FAT3: variants seen among roughly 807,000 people sequenced by gnomAD.
The protein encoded by FAT3 is FAT atypical cadherin 3.
Under a neutral mutation model 310.2 loss-of-function variants are expected in FAT3, and 95 were observed. That is an observed-to-expected ratio of 0.31 (90% CI 0.26 to 0.36). FAT3 has a LOEUF of 0.36. Among genes scored for constraint, FAT3 ranks in the 10% least tolerant of loss-of-function variants. The pLI, the probability that FAT3 is intolerant of heterozygous loss-of-function variation, is 1.00. For missense variants in FAT3, 5,408 were observed against 5,715.6 expected, an observed-to-expected ratio of 0.95 and a Z score of 1.74; for synonymous variants, 2,314 against 2,192.9, an observed-to-expected ratio of 1.06 and a Z score of -1.54.
chr11:92,657,087 G>A (rs181216260), intron 3 of FAT3, among the ~76,000 whole-genome samples: 95 of 152,106 alleles, frequency 6.2e-4, no homozygotes, highest in Admixed American at 3.1e-3. Context: ...TTGAAGCAGG[G>A]GTTTATATTT....
At chr11:92,324,067 A>T (rs1565226585) in intron 1 of FAT3, among the ~76,000 whole-genome samples, 1 of 152,186 alleles carries the variant, frequency 6.6e-6, no homozygotes, top group African/African-American at 2.4e-5. Flanking sequence ...AATTGAAGAA[A>T]GTTAGGGCCT....
At chr11:92,550,832 T>C (rs373038211) in intron 3 of FAT3, among the ~76,000 whole-genome samples, 1 of 151,794 alleles carries the variant, frequency 6.6e-6, no homozygotes, top group East Asian at 1.9e-4. Flanking sequence ...ATAGGCTTCA[T>C]GCTAAAATGT....
chr11:92,367,741 T>A (rs1483332975), intron 2 of FAT3, among the ~76,000 whole-genome samples: 2 of 152,380 alleles, frequency 1.3e-5, no homozygotes, highest in South Asian at 4.1e-4. Flanking sequence ...TCATTCATCA[T>A]GTTCCCTGTG....
chr11:92,735,247 G>C (rs1392984776), intron 4 of FAT3, among the ~76,000 whole-genome samples: 3 of 152,056 alleles, frequency 2.0e-5, no homozygotes, highest in Non-Finnish European at 4.4e-5. Flanking sequence ...GGTCACTAGG[G>C]GGCTAATCAT....
intron 12 of FAT3, among the ~76,000 whole-genome samples, chr11:92,807,017 C>T (rs1319116458): frequency 6.6e-6 from 1 of 152,068 alleles, no homozygotes; most frequent in Non-Finnish European, 1.5e-5. Flanking sequence ...AGGAGCTTCC[C>T]TCAGAAGAAG....
intron 2 of FAT3, among the ~76,000 whole-genome samples, chr11:92,444,710 A>G (rs931219862): frequency 6.6e-6 from 1 of 151,566 alleles, no homozygotes; most frequent in Non-Finnish European, 1.5e-5. Flanking sequence ...AAGCACACTA[A>G]TTTTTAGGAC....
intron 1 of FAT3, among the ~76,000 whole-genome samples, chr11:92,232,103 TGCTAGGGTGGATTTTGCA>T (rs1864208920): frequency 6.6e-6 from 1 of 152,182 alleles, no homozygotes; most frequent in Non-Finnish European, 1.5e-5. Context: ...TACCGTCCCA[TGCTAGGGTGGATTTTGCA>T]GCTAGGGTTT....
intron 3 of FAT3, among the ~76,000 whole-genome samples, chr11:92,573,429 T>C (rs537524090): frequency 2.2e-4 from 33 of 152,252 alleles, no homozygotes; most frequent in African/African-American, 7.5e-4. Flanking sequence ...AACACAGTCA[T>C]TACCGGTTGT....
intron 4 of FAT3, among the ~76,000 whole-genome samples, chr11:92,710,667 T>C (rs527480738): frequency 3.9e-4 from 60 of 152,348 alleles, no homozygotes; most frequent in African/African-American, 1.4e-3. Context: ...GCATGCTTGC[T>C]TCATCTCTGA....
In FAT3 at chr11:92,894,503, A is replaced by C. The variant is rs533833097; in HGVS notation, c.*3390A>C. 22 of 152,344 alleles carry C rather than the reference A, an allele frequency of 1.4e-4. No homozygotes were observed. The highest frequency in any genetic ancestry group is 5.3e-4 in the African/African-American group (22 of 41,574). The allele number at this position is 152,344 out of a possible 1,614,324, so 9.4% of individuals were successfully genotyped here. ...GAACATGTATGTGCCACCTCCTGGA[A>C]GCCATTTCCCATAATCTGTTGTAGG... On this transcript the variant is annotated 3_prime_UTR_variant, in exon 28 of 28. Coordinates refer to ENST00000525166, the MANE Select transcript of FAT3 (RefSeq NM_001367949.2).
chr11:92,345,505 G>C (rs748008540), intron 1 of FAT3, among the ~76,000 whole-genome samples: 1 of 152,094 alleles, frequency 6.6e-6, no homozygotes, highest in Non-Finnish European at 1.5e-5. Flanking sequence ...GCCCCACCCC[G>C]GATCAACAGA....
At chr11:92,769,545 TAC>T (rs1946409625) in intron 6 of FAT3, among the ~76,000 whole-genome samples, 1 of 152,216 alleles carries the variant, frequency 6.6e-6, no homozygotes, top group Non-Finnish European at 1.5e-5. Context: ...CCACCTTTAT[TAC>T]ACACCTCAGA....
intron 4 of FAT3, among the ~76,000 whole-genome samples, chr11:92,720,593 C>G (rs1791571): frequency 6.6e-6 from 1 of 151,924 alleles, no homozygotes; most frequent in Admixed American, 6.6e-5. Context: ...CCACATTGGA[C>G]GAAAGTGTGG....
intron 2 of FAT3, among the ~76,000 whole-genome samples, chr11:92,402,361 G>A (rs1950034443): frequency 6.6e-6 from 1 of 152,080 alleles, no homozygotes; most frequent in Admixed American, 6.6e-5. Context: ...AAGCATAAAT[G>A]ACGGATAATG....
intron 2 of FAT3, among the ~76,000 whole-genome samples, chr11:92,429,594 G>A (rs1950718697): frequency 1.3e-5 from 2 of 152,144 alleles, no homozygotes; most frequent in South Asian, 4.1e-4. Flanking sequence ...AGATCCCTCA[G>A]CATTAGCTTG....
At position 92,354,015 on chromosome 11, in the gene FAT3, C is replaced by T; in HGVS notation, c.1903C>T (p.Leu635Phe). 1 of 1,613,106 alleles carries T rather than the reference C, an allele frequency of 6.2e-7. No homozygotes were observed. The highest frequency in any genetic ancestry group is 8.5e-7 in the Non-Finnish European group (1 of 1,179,534). The change falls in exon 2 of 28, where the codon CTT (leucine) becomes TTT (phenylalanine). Residue 635 changes from leucine to phenylalanine, a missense_variant. Leu to Phe is a conservative substitution (Grantham distance 22). Transcript: ENST00000525166. Reference protein sequence around the residue: ...YLNPDSGVLQLKKSLTNSGIK... With the variant: ...YLNPDSGVLQFKKSLTNSGIK... ...AAACCCAGATTCTGGTGTTTTACAGCTTAAAAAATCACTGACAAATTCTGG... is the reference window on the plus strand; with the variant it reads ...AAACCCAGATTCTGGTGTTTTACAGTTTAAAAAATCACTGACAAATTCTGG...
At chr11:92,545,749 T>G (rs187184695) in intron 3 of FAT3, among the ~76,000 whole-genome samples, 44 of 152,328 alleles carry the variant, frequency 2.9e-4, no homozygotes, top group Admixed American at 2.1e-3. Flanking sequence ...TCTACTGTCC[T>G]GGTTTGCTTG....
In FAT3 at chr11:92,355,409, G is replaced by A. The variant is rs1005583963; in HGVS notation, c.3292+5G>A. The A allele has an allele frequency of 8.1e-6, 13 of 1,598,364 alleles. No homozygotes were observed. Among genetic ancestry groups the A allele is most frequent in the African/African-American group, 5.4e-5 (4 of 74,492 alleles). On this transcript the variant is annotated splice_donor_5th_base_variant and intron_variant, in intron 2 of 27. Transcript: ENST00000525166. ...TCAGTATAGACGACGAGAGTGGTAA[G>A]TGTAATATTTTGTGCCAAGAGTGTT... is the stretch of plus-strand genomic sequence containing the variant.
intron 1 of FAT3, among the ~76,000 whole-genome samples, chr11:92,274,599 A>C (rs1180805179): frequency 6.6e-6 from 1 of 152,108 alleles, no homozygotes; most frequent in Non-Finnish European, 1.5e-5. Context: ...CTTCTAGAAA[A>C]CATCTTGGCC....
Sources: gnomAD v4.1 joint callset for allele counts (sites outside exome capture counted in the v4.1 genomes callset) on GRCh38, gnomAD v4.1.1 for gene constraint, MANE v1.5 for transcripts, NCBI Gene and HGNC (gene_info 2026-07-23, HGNC 2026-07-21) for gene names.